Variants in PYM1 observed in about 807,000 individuals in gnomAD.
PYM1 encodes partner of Y14 and mago.
Under a neutral mutation model 20.7 loss-of-function variants are expected in PYM1, and 7 were observed. That is an observed-to-expected ratio of 0.34 (90% CI 0.19 to 0.64). The LOEUF is 0.64. Among genes scored for constraint, PYM1 ranks in the 30% least tolerant of loss-of-function variants. The probability of loss-of-function intolerance (pLI) is 0.74; values close to 1 mark genes in which losing one functional copy is unlikely to be tolerated. For synonymous variants in PYM1, 100 were observed against 99.2 expected (o/e 1.01, Z -0.05); for missense variants, 194 against 250.0 (o/e 0.78, Z 1.51).
chr12:55,927,636 C>G (rs1417492022), intron 1 of PYM1, 89 bp downstream of exon 1: 1 of 1,492,346 alleles, frequency 6.7e-7, no homozygotes, highest in Non-Finnish European at 9.0e-7. Flanking sequence ...AGGTCGAATT[C>G]GTGTGCCGAT....
intron 1 of PYM1, among the ~76,000 whole-genome samples, chr12:55,925,942 A>C (rs1883179783): frequency 6.6e-6 from 1 of 152,340 alleles, no homozygotes; most frequent in Middle Eastern, 3.4e-3. Flanking sequence ...GTACCACTTT[A>C]AATTGTGAGG....
At chr12:55,907,076 T>C (rs1354248403) in intron 1 of PYM1, among the ~76,000 whole-genome samples, 1 of 134,686 alleles carries the variant, frequency 7.4e-6, no homozygotes, top group Non-Finnish European at 1.6e-5. Flanking sequence ...TATATATATA[T>C]ATGTTAAGAG....
intron 1 of PYM1, among the ~76,000 whole-genome samples, chr12:55,908,784 G>A (rs947911060): frequency 1.5e-4 from 23 of 151,878 alleles, no homozygotes; most frequent in African/African-American, 5.1e-4. Context: ...CCCAGGAGGC[G>A]GAGGCTGCAG....
intron 1 of PYM1, among the ~76,000 whole-genome samples, chr12:55,911,751 G>A (rs755707807): frequency 1.7e-4 from 26 of 151,408 alleles, no homozygotes; most frequent in Non-Finnish European, 4.4e-5. Context: ...TGAGGCAGGA[G>A]AATCACTTGA....
intron 1 of PYM1, among the ~76,000 whole-genome samples, chr12:55,904,491 G>A (rs1882753477): frequency 6.6e-6 from 1 of 150,500 alleles, no homozygotes; most frequent in Non-Finnish European, 1.5e-5. Context: ...AGCTACTCAG[G>A]AGGCTGAGGC....
At chr12:55,909,564 A>G (rs1882884602) in intron 1 of PYM1, among the ~76,000 whole-genome samples, 1 of 151,702 alleles carries the variant, frequency 6.6e-6, no homozygotes, top group Non-Finnish European at 1.5e-5. Context: ...TTAATCTAGC[A>G]TAATAAAAGG....
chr12:55,920,695 C>A (rs1437910953), intron 1 of PYM1, among the ~76,000 whole-genome samples: 2 of 150,362 alleles, frequency 1.3e-5, no homozygotes. Context: ...GAAAAAGATG[C>A]ATGCACAAAA....
intron 1 of PYM1, among the ~76,000 whole-genome samples, chr12:55,916,658 G>A (rs752471677): frequency 1.3e-5 from 2 of 151,324 alleles, no homozygotes; most frequent in Non-Finnish European, 3.0e-5. Flanking sequence ...AATTAGCCAG[G>A]TGTGGGGCAC....
At position 55,902,072 on chromosome 12, in the gene PYM1, A is replaced by G; in HGVS notation, c.415T>C (p.Ser139Pro). The change falls in exon 3 of 3, where the codon TCT (serine) becomes CCT (proline). Residue 139 changes from serine to proline, a missense_variant. By Grantham distance (74) the Ser-to-Pro change is moderately conservative. Transcript: ENST00000408946. ...GTGGCAGCTGAGTCAGGCTGGTCAG[A>G]TGCAGCTGTGGGGGCTGCCCGAGAG... is the stretch of plus-strand genomic sequence containing the variant. ...QGSRAAPTAA[S>P]DQPDSAATTE... 2 of 1,613,996 alleles carry G rather than the reference A, an allele frequency of 1.2e-6. No homozygotes were observed. Among genetic ancestry groups the G allele is most frequent in the Non-Finnish European group, 1.7e-6 (2 of 1,179,978 alleles).
chr12:55,922,059 T>G (rs1883107085), intron 1 of PYM1, among the ~76,000 whole-genome samples: 1 of 151,924 alleles, frequency 6.6e-6, no homozygotes, highest in African/African-American at 2.4e-5. Context: ...TTAAATCTTT[T>G]TGTAGATAAG....
chr12:55,922,923 CA>C (rs879488070), intron 1 of PYM1, among the ~76,000 whole-genome samples: 43 of 151,248 alleles, frequency 2.8e-4, no homozygotes, highest in Non-Finnish European at 3.0e-4. Flanking sequence ...CCTGGAACAA[CA>C]AAAAAAAATT....
intron 1 of PYM1, among the ~76,000 whole-genome samples, chr12:55,910,237 C>T (rs976399586): frequency 2.0e-5 from 3 of 148,300 alleles, no homozygotes; most frequent in South Asian, 2.1e-4. Context: ...GCTTGAGGTA[C>T]GGCTTGGTTT....
Position 55,909,028 on chromosome 12 carries a change from T to C in PYM1, c.38-5548A>G, listed in dbSNP as rs181362547. 1.5e-4 allele frequency among the ~76,000 whole-genome samples: 23 copies of C among 152,118 alleles called. 1 individual carries two copies. The East Asian group carries it at 3.1e-3, about 20-fold the overall frequency. On this transcript the variant is annotated intron_variant, in intron 1 of 2. Transcript: ENST00000408946. ...CAGAAAGTTGAGAGGTTCAGGTGAATGAGACAGTTCATGTTAGGGAATAGG... is the reference window on the plus strand; with the variant it reads ...CAGAAAGTTGAGAGGTTCAGGTGAACGAGACAGTTCATGTTAGGGAATAGG...
At chr12:55,923,505 C>CCCAGA (rs1883135464) in intron 1 of PYM1, among the ~76,000 whole-genome samples, 1 of 148,044 alleles carries the variant, frequency 6.8e-6, no homozygotes, top group Non-Finnish European at 1.5e-5. Flanking sequence ...GTTAAGACTA[C>CCCAGA]AGTAAATGGT....
chr12:55,904,573 G>A (rs1319422957), intron 1 of PYM1, among the ~76,000 whole-genome samples: 6 of 142,520 alleles, frequency 4.2e-5, no homozygotes, highest in African/African-American at 1.6e-4. Context: ...TCCAGCCTGG[G>A]CAACGGAGTG....
At chr12:55,923,201 G>C (rs2136270061) in intron 1 of PYM1, among the ~76,000 whole-genome samples, 1 of 152,172 alleles carries the variant, frequency 6.6e-6, no homozygotes, top group African/African-American at 2.4e-5. Flanking sequence ...TCCAGCCTGG[G>C]CAACAAGAGC....
chr12:55,910,252 C>CATATATATATAT (rs71074876), intron 1 of PYM1, among the ~76,000 whole-genome samples: 31 of 142,750 alleles, frequency 2.2e-4, no homozygotes, highest in African/African-American at 5.1e-4. Context: ...TGGTTTTATA[C>CATATATATATAT]ATATATATAT....
chr12:55,913,218 C>T (rs902476449), intron 1 of PYM1, among the ~76,000 whole-genome samples: 27 of 152,182 alleles, frequency 1.8e-4, no homozygotes, highest in African/African-American at 6.5e-4. Flanking sequence ...TAGCTTTTAT[C>T]ATGCTCTAAT....
intron 1 of PYM1, among the ~76,000 whole-genome samples, chr12:55,916,873 G>A (rs1453376039): frequency 5.3e-5 from 8 of 152,172 alleles, no homozygotes; most frequent in Non-Finnish European, 2.9e-5. Flanking sequence ...CACTTTGGGA[G>A]GCTGAGGCAG....
Sources: gnomAD v4.1 joint callset for allele counts (sites outside exome capture counted in the v4.1 genomes callset) on GRCh38, gnomAD v4.1.1 for gene constraint, MANE v1.5 for transcripts, NCBI Gene and HGNC (gene_info 2026-07-23, HGNC 2026-07-21) for gene names.